The following RIC1 variants were observed in gnomAD, a reference collection of about 807,000 sequenced individuals.
The protein encoded by RIC1 is guanine nucleotide exchange factor subunit RIC1.
Under a neutral mutation model 169.0 loss-of-function variants are expected in RIC1, and 88 were observed. That is an observed-to-expected ratio of 0.52 (90% confidence interval 0.44 to 0.62). The LOEUF (loss-of-function observed/expected upper bound fraction) is 0.62, where lower values mean the gene tolerates loss of function less well. Among genes scored for constraint, RIC1 ranks in the 20% least tolerant of loss-of-function variants. The pLI, the probability that RIC1 is intolerant of heterozygous loss-of-function variation, is 0.00. For synonymous variants in RIC1, 790 were observed against 601.5 expected (o/e 1.31, Z -4.59); for missense variants, 1,877 against 1,725.5 (o/e 1.09, Z -1.56).
At chr9:5,748,034 T>C (rs958719260) in intron 12 of RIC1, among the ~76,000 whole-genome samples, 6 of 152,216 alleles carry the variant, frequency 3.9e-5, no homozygotes, top group Admixed American at 1.3e-4. Context: ...CATTCTGATA[T>C]CACTTTTAAA....
chr9:5,700,478 A>G (rs993773426), intron 3 of RIC1, among the ~76,000 whole-genome samples: 6 of 152,146 alleles, frequency 3.9e-5, no homozygotes, highest in African/African-American at 1.2e-4. Flanking sequence ...TTTAAGTTCC[A>G]TCTACAAATC....
intron 2 of RIC1, among the ~76,000 whole-genome samples, chr9:5,677,546 AT>A (rs1307438760): frequency 1.3e-5 from 2 of 152,076 alleles, no homozygotes; most frequent in Non-Finnish European, 2.9e-5. Context: ...TCCATGATCT[AT>A]TTGTATATAT....
chr9:5,699,592 CAA>C (rs1204181132), intron 3 of RIC1, among the ~76,000 whole-genome samples: 1 of 151,008 alleles, frequency 6.6e-6, no homozygotes, highest in Non-Finnish European at 1.5e-5. Flanking sequence ...AAATTCCACA[CAA>C]GTGGTAAGGG....
intron 3 of RIC1, among the ~76,000 whole-genome samples, chr9:5,704,254 TGTC>T (rs1822419042): frequency 6.6e-6 from 1 of 152,042 alleles, no homozygotes; most frequent in African/African-American, 2.4e-5. Context: ...CTTCTTGCTC[TGTC>T]TTCCAGGCAG....
intron 20 of RIC1, 41 bp from the exon 21 acceptor site, chr9:5,765,621 C>T: frequency 1.2e-6 from 2 of 1,614,040 alleles, no homozygotes; most frequent in East Asian, 2.2e-5. Context: ...ACCCACGTAG[C>T]ATCTTTCTCT....
chr9:5,729,442 A>G (rs1428425505), intron 6 of RIC1, among the ~76,000 whole-genome samples: 1 of 152,126 alleles, frequency 6.6e-6, no homozygotes, highest in African/African-American at 2.4e-5. Flanking sequence ...TACAACTTAA[A>G]TTTAGACGTT....
At position 5,629,411 on chromosome 9, in the gene RIC1, C is replaced by T; in HGVS notation, c.102C>T (p.Phe34=). The T allele has an allele frequency of 3.9e-6, 6 of 1,534,060 alleles. No homozygotes were observed. The South Asian group carries it at 6.0e-5, about 15-fold the overall frequency. Residue 34 remains phenylalanine, a synonymous_variant, in exon 1 of 26, where the codon TTC becomes TTT. Transcript: ENST00000414202. ...HVQSDPQRAF[F]AVLAAARLSI... The stretch of plus-strand genomic sequence containing the variant: ...AGTCCGACCCGCAGAGGGCTTTCTT[C>T]GCCGTGCTGGCCGCGGCCCGCCTCA...
intron 2 of RIC1, among the ~76,000 whole-genome samples, chr9:5,669,281 C>T (rs781669426): frequency 5.3e-5 from 8 of 152,110 alleles, no homozygotes; most frequent in South Asian, 2.1e-4. Context: ...ATCCCTCACC[C>T]GCCTCCCACC....
chr9:5,654,006 T>G (rs1187183920), intron 1 of RIC1, among the ~76,000 whole-genome samples: 1 of 152,176 alleles, frequency 6.6e-6, no homozygotes, highest in Non-Finnish European at 1.5e-5. Context: ...TTTTTACATT[T>G]TTTATGTTTT....
chr9:5,657,440 A>C lies in RIC1; in HGVS notation c.252+750A>C, dbSNP rs915349502. Among the ~76,000 whole-genome samples the C allele has an allele frequency of 3.3e-5, 5 of 152,158 alleles. No homozygotes were observed. The East Asian group carries it at 9.6e-4, about 29-fold the overall frequency. On this transcript the variant is annotated intron_variant, in intron 2 of 25. Coordinates refer to ENST00000414202, the MANE Select transcript of RIC1 (RefSeq NM_020829.4). ...ATGAGTACAATTGTAATCAGTTTAC[A>C]TGGATCATCCCATTTAATCTTTAGA... is the stretch of plus-strand genomic sequence containing the variant.
chr9:5,701,939 G>A (rs1458836665), intron 3 of RIC1, among the ~76,000 whole-genome samples: 1 of 152,094 alleles, frequency 6.6e-6, no homozygotes, highest in East Asian at 1.9e-4. Context: ...AGGGATCCAC[G>A]TATTAAACAT....
In RIC1 at chr9:5,629,114, G is replaced by T. The variant is rs768327226; in HGVS notation, c.-196G>T. The T allele has an allele frequency of 8.0e-5, 31 of 388,414 alleles. No homozygotes were observed. Among genetic ancestry groups the T allele is most frequent in the Non-Finnish European group, 8.7e-5 (20 of 230,452 alleles). The allele number at this position is 388,414 out of a possible 1,614,324, so 24.1% of individuals were successfully genotyped here. On this transcript the variant is annotated 5_prime_UTR_variant, in exon 1 of 26. Coordinates refer to ENST00000414202, the MANE Select transcript of RIC1 (RefSeq NM_020829.4). ...CCTCCCCTTCCCTCCCCCACACTCG[G>T]CCCCGTCAGCTTGGGGGTGCCTTCG... is the stretch of plus-strand genomic sequence containing the variant.
intron 10 of RIC1, among the ~76,000 whole-genome samples, chr9:5,744,675 T>C (rs1419498139): frequency 6.6e-6 from 1 of 150,824 alleles, no homozygotes; most frequent in Non-Finnish European, 1.5e-5. Flanking sequence ...TGAAGTCAGG[T>C]GTGGGATTTT....
chr9:5,691,471 T>C (rs1028059005), intron 3 of RIC1, among the ~76,000 whole-genome samples: 1 of 151,996 alleles, frequency 6.6e-6, no homozygotes, highest in Non-Finnish European at 1.5e-5. Context: ...GTACAGACTT[T>C]TTTGATGATG....
intron 12 of RIC1, among the ~76,000 whole-genome samples, chr9:5,752,836 G>A (rs1317371049): frequency 6.6e-6 from 1 of 152,144 alleles, no homozygotes; most frequent in East Asian, 1.9e-4. Context: ...AGATTAGGTT[G>A]TTTTGGAATG....
intron 3 of RIC1, among the ~76,000 whole-genome samples, chr9:5,701,330 G>A (rs1049440689): frequency 5.3e-5 from 8 of 152,072 alleles, no homozygotes; most frequent in African/African-American, 1.9e-4. Context: ...AAATGTTTGG[G>A]CTGGGTGAGG....
intron 3 of RIC1, 141 bp downstream of exon 3, chr9:5,690,179 G>A: frequency 2.1e-6 from 1 of 482,168 alleles, no homozygotes; most frequent in Non-Finnish European, 3.6e-6. Flanking sequence ...AAATTACCAG[G>A]TCTTTGAACT....
Position 5,656,796 on chromosome 9 carries a change from T to C in RIC1, c.252+106T>C, listed in dbSNP as rs967155403. On this transcript the variant is annotated intron_variant, in intron 2 of 25. Transcript: ENST00000414202. ...TCTTTCAGTCTTTTGCACTCATAAG[T>C]ATTTATTTTATTCTGATAGGAATTG... 133 of 643,726 alleles carry C rather than the reference T, an allele frequency of 2.1e-4. No individual in the cohort carries two copies. The East Asian group carries it at 2.9e-3, about 14-fold the overall frequency. 39.9% of individuals were successfully genotyped at this position (643,726 alleles called of 1,614,324 possible). A position where few individuals can be genotyped will look rare whatever the true frequency, so the allele number is the denominator to read the frequency against.
Position 5,653,759 on chromosome 9 carries a change from G to A in RIC1, c.145-2824G>A, listed in dbSNP as rs111448532. On this transcript the variant is annotated intron_variant, in intron 1 of 25. Coordinates refer to ENST00000414202, the MANE Select transcript of RIC1 (RefSeq NM_020829.4). ...ACTACAGGTGCACACCACTACGCCC[G>A]GCTAATTTTTGTATTTTTAGTAGAG... Among the ~76,000 whole-genome samples, 228 of 151,734 alleles carry A rather than the reference G, an allele frequency of 1.5e-3. 1 individual carries two copies. The highest frequency in any genetic ancestry group is 5.1e-3 in the African/African-American group (212 of 41,350).
Sources: gnomAD v4.1 joint callset for allele counts (sites outside exome capture counted in the v4.1 genomes callset) on GRCh38, gnomAD v4.1.1 for gene constraint, MANE v1.5 for transcripts, NCBI Gene and HGNC (gene_info 2026-07-23, HGNC 2026-07-21) for gene names.